The following NOL4 variants were observed in gnomAD, a reference collection of about 807,000 sequenced individuals.
NOL4 encodes the protein cancer/testis antigen 125.
A neutral mutation model predicts 75.9 loss-of-function variants in NOL4; 17 were observed. The ratio of observed to expected loss-of-function variants is 0.22; its 90% CI spans 0.15 to 0.34. The LOEUF (loss-of-function observed/expected upper bound fraction) is 0.34, where lower values mean the gene tolerates loss of function less well. Ranked by LOEUF, NOL4 falls within the 10% of genes least tolerant of loss-of-function variation. The pLI is 1.00. For synonymous variants in NOL4, 292 were observed against 289.9 expected (o/e 1.01, Z -0.07); for missense variants, 614 against 793.5 (o/e 0.77, Z 2.72).
At chr18:34,060,207 C>G (rs950528174) in intron 5 of NOL4, among the ~76,000 whole-genome samples, 1 of 152,164 alleles carries the variant, frequency 6.6e-6, no homozygotes, top group South Asian at 2.1e-4. Flanking sequence ...ACTATATCCA[C>G]CCCCATACTC....
chr18:34,031,178 A>G (rs568303160), intron 5 of NOL4, among the ~76,000 whole-genome samples: 2 of 152,202 alleles, frequency 1.3e-5, no homozygotes, highest in Non-Finnish European at 2.9e-5. Flanking sequence ...GTCTCCCAGG[A>G]CTCAAGCTCT....
Position 34,102,646 on chromosome 18 carries a change from C to T in NOL4, c.639+1401G>A, listed in dbSNP as rs528659370. On this transcript the variant is annotated intron_variant, in intron 4 of 10. Coordinates refer to ENST00000261592, the MANE Select transcript of NOL4 (RefSeq NM_003787.5). Reference sequence around the variant, plus strand: ...GCCAGAAGGGATCAGCATATGTGGGCGCATTGTTGGCACAAAGTGGATCTT... The same window carrying T: ...GCCAGAAGGGATCAGCATATGTGGGTGCATTGTTGGCACAAAGTGGATCTT... 5.6e-4 allele frequency among the ~76,000 whole-genome samples: 85 copies of T among 151,958 alleles called. 1 individual carries two copies. The highest frequency in any genetic ancestry group is 1.9e-3 in the African/African-American group (77 of 41,494).
intron 1 of NOL4, among the ~76,000 whole-genome samples, chr18:34,195,907 G>A (rs2035293102): frequency 6.6e-6 from 1 of 152,064 alleles, no homozygotes; most frequent in Non-Finnish European, 1.5e-5. Flanking sequence ...TCTCCCAGTA[G>A]ATAAAGAATT....
intron 8 of NOL4, among the ~76,000 whole-genome samples, chr18:33,948,466 G>T (rs770700885): frequency 6.6e-6 from 1 of 151,828 alleles, no homozygotes; most frequent in Non-Finnish European, 1.5e-5. Context: ...TAAGCAGGTG[G>T]TTTCATTCTT....
At position 34,040,194 on chromosome 18, in the gene NOL4, G is replaced by A. The variant is rs1217728999; in HGVS notation, c.773-20593C>T. 5.3e-5 allele frequency among the ~76,000 whole-genome samples: 8 copies of A among 151,988 alleles called. No individual in the cohort carries two copies. The South Asian group carries it at 1.7e-3, about 32-fold the overall frequency. On this transcript the variant is annotated intron_variant, in intron 5 of 10. Transcript: ENST00000261592. ...GATCTATTTATCTCTCGTTTGGAAA[G>A]GTACATACCGAACTGTTAATGGAGA... is the stretch of plus-strand genomic sequence containing the variant.
intron 5 of NOL4, among the ~76,000 whole-genome samples, chr18:34,063,432 C>A (rs1278006557): frequency 2.0e-5 from 3 of 152,080 alleles, no homozygotes; most frequent in Non-Finnish European, 4.4e-5. Context: ...TGCACTCCAT[C>A]TTACCCCTAA....
At chr18:34,104,304 A>G (rs1017154766) in intron 3 of NOL4, 145 bp from the exon 4 acceptor site, 1 of 573,204 alleles carries the variant, frequency 1.7e-6, no homozygotes, top group Admixed American at 2.8e-5. Flanking sequence ...GACGGTAGAA[A>G]AAACAACTAG....
At chr18:34,057,964 T>C (rs944166547) in intron 5 of NOL4, among the ~76,000 whole-genome samples, 13 of 152,176 alleles carry the variant, frequency 8.5e-5, no homozygotes, top group Admixed American at 1.3e-4. Flanking sequence ...TGATTTCAGC[T>C]GTTGATAATT....
At chr18:33,880,560 T>C (rs1180249129) in intron 10 of NOL4, among the ~76,000 whole-genome samples, 1 of 152,076 alleles carries the variant, frequency 6.6e-6, no homozygotes, top group Non-Finnish European at 1.5e-5. Context: ...CTTGATCCAG[T>C]ACAACACTGC....
intron 8 of NOL4, among the ~76,000 whole-genome samples, chr18:33,948,913 AC>A (rs2069018446): frequency 6.6e-6 from 1 of 152,026 alleles, no homozygotes; most frequent in Non-Finnish European, 1.5e-5. Flanking sequence ...TAGACTCACA[AC>A]CTTTTGTAAT....
intron 10 of NOL4, among the ~76,000 whole-genome samples, chr18:33,877,452 A>AT (rs1264155899): frequency 6.6e-6 from 1 of 151,238 alleles, no homozygotes; most frequent in Non-Finnish European, 1.5e-5. Flanking sequence ...AAAAAAAAAA[A>AT]AAAAAAAGAG....
intron 1 of NOL4, among the ~76,000 whole-genome samples, chr18:34,175,156 A>G (rs571345756): frequency 1.3e-5 from 2 of 152,150 alleles, no homozygotes; most frequent in African/African-American, 2.4e-5. Context: ...ACAGCCTGGT[A>G]GCCACCAGAG....
chr18:34,191,797 C>T (rs936633483), intron 1 of NOL4, among the ~76,000 whole-genome samples: 2 of 151,962 alleles, frequency 1.3e-5, no homozygotes, highest in Admixed American at 6.6e-5. Context: ...AAAAGGAAGC[C>T]GACTACGCCA....
At chr18:33,973,594 T>C (rs1568152010) in intron 6 of NOL4, among the ~76,000 whole-genome samples, 3 of 152,204 alleles carry the variant, frequency 2.0e-5, no homozygotes, top group South Asian at 4.1e-4. Context: ...TCCTGAAATA[T>C]AAGACTTGAA....
intron 6 of NOL4, among the ~76,000 whole-genome samples, chr18:33,963,821 T>G (rs2070351773): frequency 6.6e-6 from 1 of 152,106 alleles, no homozygotes; most frequent in Non-Finnish European, 1.5e-5. Flanking sequence ...CCTTGAAAAT[T>G]CCCACTTGAA....
At chr18:34,063,383 A>T (rs1393714122) in intron 5 of NOL4, among the ~76,000 whole-genome samples, 1 of 152,044 alleles carries the variant, frequency 6.6e-6, no homozygotes, top group Non-Finnish European at 1.5e-5. Context: ...TCATCCCATT[A>T]CTTAATATCC....
intron 6 of NOL4, among the ~76,000 whole-genome samples, chr18:34,015,694 C>T (rs901071289): frequency 6.6e-6 from 1 of 152,048 alleles, no homozygotes; most frequent in African/African-American, 2.4e-5. Flanking sequence ...TCTCTCTCTC[C>T]ATCCTGTACC....
At chr18:33,895,828 A>T (rs568376820) in intron 9 of NOL4, among the ~76,000 whole-genome samples, 1 of 152,294 alleles carries the variant, frequency 6.6e-6, no homozygotes, top group East Asian at 1.9e-4. Flanking sequence ...AGAGAAAAAA[A>T]TAAAGCACAT....
intron 5 of NOL4, among the ~76,000 whole-genome samples, chr18:34,036,935 A>T (rs986557568): frequency 1.1e-4 from 17 of 152,170 alleles, no homozygotes; most frequent in Admixed American, 2.0e-4. Context: ...CCATCTTAAA[A>T]AAATAAATAA....
Sources: allele counts gnomAD v4.1 joint callset (sites outside exome capture counted in the v4.1 genomes callset), GRCh38; gene constraint gnomAD v4.1.1; transcripts MANE v1.5; gene names NCBI Gene and HGNC (gene_info 2026-07-23, HGNC 2026-07-21).